The following EHMT1 variants were observed in gnomAD, a reference collection of about 807,000 sequenced individuals.
The protein encoded by EHMT1 is euchromatic histone lysine methyltransferase 1.
Under a neutral mutation model 147.2 loss-of-function variants are expected in EHMT1, and 15 were observed. The observed-to-expected ratio is 0.10, with a 90% confidence interval of 0.07 to 0.16. The LOEUF (loss-of-function observed/expected upper bound fraction) is 0.16. EHMT1 is among the 10% of genes least tolerant of loss of function. EHMT1 has a pLI of 1.00. For missense variants in EHMT1, 1,587 were observed against 1,772.4 expected (o/e 0.90, Z 1.88); for synonymous variants, 795 against 709.6 (o/e 1.12, Z -1.91).
intron 4 of EHMT1, among the ~76,000 whole-genome samples, chr9:137,742,276 T>C (rs1948154423): frequency 6.7e-6 from 1 of 148,754 alleles, no homozygotes; most frequent in Non-Finnish European, 1.5e-5. Context: ...TTCTGCACTT[T>C]GTAGAACCAA....
chr9:137,826,211 C>T (rs1056901773), intron 25 of EHMT1, among the ~76,000 whole-genome samples: 2 of 152,142 alleles, frequency 1.3e-5, no homozygotes, highest in Non-Finnish European at 2.9e-5. Flanking sequence ...TATCTCCTGC[C>T]CTGGTCTCTC....
intron 10 of EHMT1, 60 bp downstream of exon 10, chr9:137,762,880 A>T: frequency 1.2e-6 from 2 of 1,608,740 alleles, no homozygotes; most frequent in South Asian, 2.2e-5. Flanking sequence ...AGCCCAGCCC[A>T]GCAGGGGCCC....
chr9:137,745,662 G>A, intron 6 of EHMT1: 2 of 397,716 alleles, frequency 5.0e-6, no homozygotes, highest in East Asian at 3.6e-5. Flanking sequence ...GCACACACGT[G>A]TCTGTCGCTC....
chr9:137,692,964 G>A (rs1037310983), intron 1 of EHMT1, among the ~76,000 whole-genome samples: 1 of 152,172 alleles, frequency 6.6e-6, no homozygotes, highest in African/African-American at 2.4e-5. Flanking sequence ...GGCCACAAGG[G>A]TTGTCCTTGG....
intron 18 of EHMT1, among the ~76,000 whole-genome samples, chr9:137,803,525 A>T (rs1013550906): frequency 2.6e-5 from 4 of 152,146 alleles, no homozygotes; most frequent in Non-Finnish European, 4.4e-5. Context: ...CCATTGTGTG[A>T]ATGTGTCTGT....
intron 1 of EHMT1, among the ~76,000 whole-genome samples, chr9:137,670,626 C>A (rs747709532): frequency 2.6e-4 from 40 of 152,216 alleles, no homozygotes; most frequent in Admixed American, 2.4e-3. Context: ...TGACTGGTTT[C>A]CCTGGCCACC....
chr9:137,702,944 A>G (rs563355103), intron 1 of EHMT1, among the ~76,000 whole-genome samples: 1 of 152,148 alleles, frequency 6.6e-6, no homozygotes, highest in African/African-American at 2.4e-5. Context: ...TGTATGGATG[A>G]TATCCATACA....
intron 1 of EHMT1, among the ~76,000 whole-genome samples, chr9:137,619,359 C>G (rs1258224423): frequency 6.6e-6 from 1 of 151,354 alleles, no homozygotes; most frequent in East Asian, 2.0e-4. Context: ...CCCACGGACC[C>G]CGTGCCGCCG....
chr9:137,710,473 A>G (rs954091465), intron 1 of EHMT1, among the ~76,000 whole-genome samples: 3 of 152,224 alleles, frequency 2.0e-5, no homozygotes, highest in Non-Finnish European at 2.9e-5. Context: ...CTCTGTCTCA[A>G]CAAAAAAATT....
chr9:137,814,377 G>A, intron 21 of EHMT1, 54 bp from the exon 22 acceptor site: 1 of 1,576,068 alleles, frequency 6.3e-7, no homozygotes, highest in Non-Finnish European at 8.7e-7. Flanking sequence ...GACTGGGAGG[G>A]GAAATGGAAG....
intron 18 of EHMT1, among the ~76,000 whole-genome samples, chr9:137,805,051 A>G (rs1953820778): frequency 6.6e-6 from 1 of 150,442 alleles, no homozygotes; most frequent in Admixed American, 6.6e-5. Flanking sequence ...AGTCGTCCAC[A>G]TGTGTCAGTC....
chr9:137,658,784 A>T (rs1043081205), intron 1 of EHMT1, among the ~76,000 whole-genome samples: 2 of 151,776 alleles, frequency 1.3e-5, no homozygotes, highest in Non-Finnish European at 2.9e-5. Context: ...GGCTATTTTT[A>T]AAAAATTATG....
chr9:137,817,740 A>G (rs1955035394), intron 24 of EHMT1: 1 of 659,016 alleles, frequency 1.5e-6, no homozygotes, highest in Non-Finnish European at 2.6e-6. Flanking sequence ...AGTGCATTTA[A>G]GAAGGCGTGG....
intron 5 of EHMT1, 131 bp downstream of exon 5, chr9:137,743,659 T>TGGCAG: frequency 1.5e-6 from 2 of 1,372,304 alleles, no homozygotes; most frequent in Middle Eastern, 2.0e-4. Flanking sequence ...TCCTCTGCCA[T>TGGCAG]AGGGGCAGAG....
intron 1 of EHMT1, among the ~76,000 whole-genome samples, chr9:137,692,080 G>A (rs7042635): frequency 0.014 from 2,095 of 152,198 alleles, 42 homozygotes; most frequent in African/African-American, 0.048. Flanking sequence ...GTAAGAATTT[G>A]GAAATGGTAT....
At chr9:137,625,584 C>T (rs914356125) in intron 1 of EHMT1, among the ~76,000 whole-genome samples, 2 of 152,002 alleles carry the variant, frequency 1.3e-5, no homozygotes, top group African/African-American at 2.4e-5. Flanking sequence ...GTGATCTGCC[C>T]GCCTCGGCCT....
intron 18 of EHMT1, among the ~76,000 whole-genome samples, chr9:137,809,821 T>A (rs1954268266): frequency 6.6e-6 from 1 of 152,134 alleles, no homozygotes. Flanking sequence ...GGAAGCTGAG[T>A]GACTGTGGGG....
intron 18 of EHMT1, among the ~76,000 whole-genome samples, chr9:137,801,729 C>T (rs1367640649): frequency 2.2e-4 from 33 of 151,858 alleles, no homozygotes; most frequent in Admixed American, 2.1e-3. Flanking sequence ...GAACCCCGAC[C>T]TCAGGTGATC....
At chr9:137,708,456 T>A (rs1944432676) in intron 1 of EHMT1, among the ~76,000 whole-genome samples, 2 of 152,202 alleles carry the variant, frequency 1.3e-5, no homozygotes, top group African/African-American at 4.8e-5. Flanking sequence ...CATGCGTGAT[T>A]TTGAATATTA....
Sources: allele counts gnomAD v4.1 joint callset (sites outside exome capture counted in the v4.1 genomes callset), GRCh38; gene constraint gnomAD v4.1.1; transcripts MANE v1.5; gene names NCBI Gene and HGNC (gene_info 2026-07-23, HGNC 2026-07-21).